TUBB8: variants seen among roughly 807,000 people sequenced by gnomAD.
TUBB8 encodes the protein tubulin beta 8 class VIII, also known as tubulin beta-8 chain.
In TUBB8, 25 loss-of-function variants were observed where a neutral mutation model predicts 33.7. The observed-to-expected ratio is 0.74, with a 90% CI of 0.54 to 1.04. TUBB8 has a LOEUF of 1.04. Among genes scored for constraint, TUBB8 ranks in the 50% least tolerant of loss-of-function variants. TUBB8 has a pLI of 0.00. For missense variants in TUBB8, 279 were observed against 608.0 expected (o/e 0.46, Z 5.69); for synonymous variants, 245 against 240.1 (o/e 1.02, Z -0.19).
intron 1 of TUBB8, among the ~76,000 whole-genome samples, chr10:68,184 C>A (rs1834695025): frequency 6.6e-6 from 1 of 152,180 alleles, no homozygotes; most frequent in Admixed American, 6.5e-5. Context: ...TATCGTAATA[C>A]TGATATGACA....
In TUBB8 at chr10:48,374, C is replaced by A. The variant is rs1554738703; in HGVS notation, c.277+241G>T. On this transcript the variant is annotated intron_variant, in intron 3 of 3. Coordinates refer to ENST00000568584, the MANE Select transcript of TUBB8 (RefSeq NM_177987.3). ...GCCCATTCTCAGGAAAGGCAGTAGCCACGGCCCCAGCTCAGGTTCTTGCAG... is the reference window on the plus strand; with the variant it reads ...GCCCATTCTCAGGAAAGGCAGTAGCAACGGCCCCAGCTCAGGTTCTTGCAG... The A allele has an allele frequency of 2.1e-5, 13 of 632,066 alleles. No individual in the cohort carries two copies. In the Middle Eastern group the frequency reaches 1.8e-3, roughly 89 times the overall value. 39.2% of individuals were successfully genotyped at this position (632,066 alleles called of 1,614,324 possible). A position where few individuals can be genotyped will look rare whatever the true frequency, so the allele number is the denominator to read the frequency against.
At chr10:56,081 A>G (rs1166517621) in intron 1 of TUBB8, among the ~76,000 whole-genome samples, 1 of 152,200 alleles carries the variant, frequency 6.6e-6, no homozygotes, top group Non-Finnish European at 1.5e-5. Flanking sequence ...GATCGCATGG[A>G]CATTTTTTAA....
chr10:70,823 A>G (rs180753615), intron 1 of TUBB8, among the ~76,000 whole-genome samples: 334 of 152,340 alleles, frequency 2.2e-3, no homozygotes, highest in Middle Eastern at 0.017. Flanking sequence ...AGCATGGGAG[A>G]CAGAGCAGAA....
chr10:70,734 A>G (rs1834725686), intron 1 of TUBB8, among the ~76,000 whole-genome samples: 1 of 151,886 alleles, frequency 6.6e-6, no homozygotes, highest in African/African-American at 2.4e-5. Context: ...CAGCTACTCA[A>G]GAGGCTGAGG....
At chr10:53,215 C>T (rs555742451), upstream of TUBB8, among the ~76,000 whole-genome samples, 6 of 152,308 alleles carry the variant, frequency 3.9e-5, no homozygotes, top group South Asian at 1.2e-3. Flanking sequence ...GAAACGTCTG[C>T]CTCCCAGGTT....
At chr10:71,140 C>T (rs1339093798) in intron 1 of TUBB8, among the ~76,000 whole-genome samples, 3 of 151,976 alleles carry the variant, frequency 2.0e-5, no homozygotes, top group Non-Finnish European at 4.4e-5. Context: ...GGTGAAACCC[C>T]GCCTCTACTA....
intron 1 of TUBB8, among the ~76,000 whole-genome samples, chr10:62,070 G>A (rs571285054): frequency 2.0e-5 from 3 of 151,996 alleles, no homozygotes; most frequent in African/African-American, 4.8e-5. Flanking sequence ...CTTTTGATTG[G>A]AGTATTTCAT....
intron 1 of TUBB8, among the ~76,000 whole-genome samples, chr10:68,733 C>A (rs1554741944): frequency 1.3e-5 from 2 of 152,244 alleles, no homozygotes; most frequent in African/African-American, 4.8e-5. Context: ...TTTACCAAAG[C>A]AAAGACGGCC....
chr10:47,920 C>T lies in TUBB8; in HGVS notation c.472G>A (p.Glu158Lys), dbSNP rs782194450. The change falls in exon 4 of 4, where the codon GAG becomes AAG. Residue 158 changes from glutamate (E) to lysine (K), a missense_variant. Physicochemically the swap from Glu to Lys is moderately conservative, Grantham distance 56. Transcript: ENST00000568584. ...GTGTTTATGATCCTGTCTGGGTACT[C>T]CTCCCGGATCTTACTGAGCAGAAGG... ...GTLLLSKIRE[E>K]YPDRIINTFS... 1 of 1,614,164 alleles carries T rather than the reference C, an allele frequency of 6.2e-7. No individual in the cohort carries two copies. Among genetic ancestry groups the T allele is most frequent in the Non-Finnish European group, 8.5e-7 (1 of 1,180,046 alleles).
chr10:53,632 T>A (rs2131817975), upstream of TUBB8, among the ~76,000 whole-genome samples: 1 of 152,352 alleles, frequency 6.6e-6, no homozygotes, highest in East Asian at 1.9e-4. Flanking sequence ...AAATGTGGTG[T>A]TATTCAGTGG....
chr10:63,714 G>T (rs143207681), intron 1 of TUBB8, among the ~76,000 whole-genome samples: 1 of 151,722 alleles, frequency 6.6e-6, no homozygotes, highest in Non-Finnish European at 1.5e-5. Context: ...GAATTTCTTC[G>T]AATTACCTCA....
At chr10:55,358 G>A (rs1203311550) in intron 1 of TUBB8, among the ~76,000 whole-genome samples, 12 of 152,280 alleles carry the variant, frequency 7.9e-5, no homozygotes, top group African/African-American at 2.9e-4. Flanking sequence ...AGATTTGGGT[G>A]GGGACACAAA....
intron 1 of TUBB8, 124 bp from the exon 2 acceptor site, chr10:49,036 C>T (rs1834422476): frequency 2.6e-5 from 33 of 1,260,742 alleles, no homozygotes; most frequent in Non-Finnish European, 3.2e-5. Context: ...GGGTCCACCC[C>T]GGCCGCCTCG....
chr10:65,232 T>A (rs1393600531), intron 1 of TUBB8, among the ~76,000 whole-genome samples: 1 of 152,226 alleles, frequency 6.6e-6, no homozygotes, highest in Non-Finnish European at 1.5e-5. Flanking sequence ...CCAGACCTCA[T>A]CATACTCTTC....
At chr10:63,310 T>C (rs1834626956) in intron 1 of TUBB8, among the ~76,000 whole-genome samples, 1 of 152,226 alleles carries the variant, frequency 6.6e-6, no homozygotes, top group South Asian at 2.1e-4. Flanking sequence ...TCTCCTGACC[T>C]TGTGATCCAC....
At chr10:75,870 G>T (rs1834806486), upstream of TUBB8, among the ~76,000 whole-genome samples, 1 of 151,962 alleles carries the variant, frequency 6.6e-6, no homozygotes, top group Non-Finnish European at 1.5e-5. Context: ...CAGGCGAGAT[G>T]GCTCATGCCT....
intron 1 of TUBB8, among the ~76,000 whole-genome samples, chr10:64,648 TTC>T (rs1174112280): frequency 1.3e-5 from 2 of 152,198 alleles, no homozygotes; most frequent in Admixed American, 6.5e-5. Flanking sequence ...TGCATATTCA[TTC>T]TGTCATACTT....
chr10:67,302 C>T (rs1554741733), intron 1 of TUBB8, among the ~76,000 whole-genome samples: 1 of 152,152 alleles, frequency 6.6e-6, no homozygotes, highest in Non-Finnish European at 1.5e-5. Flanking sequence ...TGTAGTACTG[C>T]CACCTTAAGA....
intron 1 of TUBB8, among the ~76,000 whole-genome samples, chr10:66,113 CTG>C (rs1373917186): frequency 5.3e-5 from 8 of 152,322 alleles, no homozygotes; most frequent in African/African-American, 1.9e-4. Flanking sequence ...GTATTCAACA[CTG>C]TACGGGAAGT....
Sources: allele counts gnomAD v4.1 joint callset (sites outside exome capture counted in the v4.1 genomes callset), GRCh38; gene constraint gnomAD v4.1.1; transcripts MANE v1.5; gene names NCBI Gene and HGNC (gene_info 2026-07-23, HGNC 2026-07-21).